PAPOLG: variants seen among roughly 807,000 people sequenced by gnomAD.
PAPOLG encodes the protein poly(A) polymerase gamma, also known as PAP-gamma.
PAPOLG carries 40 observed loss-of-function variants against 99.0 expected under a neutral mutation model. The observed-to-expected ratio is 0.40, with a 90% CI of 0.31 to 0.53. The LOEUF is 0.53. PAPOLG is among the 20% of genes least tolerant of loss of function. The pLI is 0.41. For missense variants in PAPOLG, 675 were observed against 884.1 expected, an observed-to-expected ratio of 0.76 and a Z score of 3.00; for synonymous variants, 310 against 299.3, an observed-to-expected ratio of 1.04 and a Z score of -0.37.
chr2:60,775,216 A>G, intron 8 of PAPOLG, 93 bp downstream of exon 8: 2 of 1,394,770 alleles, frequency 1.4e-6, no homozygotes, highest in Non-Finnish European at 1.9e-6. Flanking sequence ...GAACCTAATG[A>G]TATTGTTGGA....
chr2:60,799,495 G>A lies in PAPOLG; in HGVS notation c.*2335G>A, dbSNP rs1272153601. On this transcript the variant is annotated 3_prime_UTR_variant, in exon 22 of 22. Coordinates refer to ENST00000238714, the MANE Select transcript of PAPOLG (RefSeq NM_022894.4). Reference sequence around the variant, plus strand: ...TCCTGACCAGTAGGTAGAACTTTGAGTACATTTCGTTAACTTGGTGGGAAG... The same window carrying A: ...TCCTGACCAGTAGGTAGAACTTTGAATACATTTCGTTAACTTGGTGGGAAG... 6.6e-6 allele frequency: 1 copy of A among 152,348 alleles called. No homozygotes were observed. The highest frequency in any genetic ancestry group is 1.5e-5 in the Non-Finnish European group (1 of 68,052). The allele number at this position is 152,348 out of a possible 1,614,324, so 9.4% of individuals were successfully genotyped here.
At chr2:60,783,631 C>T (rs1027237611) in intron 13 of PAPOLG, among the ~76,000 whole-genome samples, 1 of 149,792 alleles carries the variant, frequency 6.7e-6, no homozygotes, top group Non-Finnish European at 1.5e-5. Context: ...CTGCCTTAGC[C>T]GCCTGAGTAG....
At chr2:60,773,983 C>A (rs1383336178) in intron 7 of PAPOLG, among the ~76,000 whole-genome samples, 1 of 152,134 alleles carries the variant, frequency 6.6e-6, no homozygotes. Context: ...GTTGAGCTTA[C>A]AACTTACACA....
Position 60,782,848 on chromosome 2 carries a change from G to C in PAPOLG, c.1112+78G>C, listed in dbSNP as rs980215748. On this transcript the variant is annotated intron_variant, in intron 12 of 21. Transcript: ENST00000238714. The stretch of plus-strand genomic sequence containing the variant: ...GAATGTTAAACATAGTTAATATATG[G>C]CAGGTGACAGCTCTTTTATTTCTTA... The C allele has an allele frequency of 1.4e-5, 20 of 1,409,342 alleles. No homozygotes were observed. In the African/African-American group the frequency reaches 3.0e-4, roughly 21 times the overall value. 87.3% of individuals were successfully genotyped at this position (1,409,342 alleles called of 1,614,324 possible). A position where few individuals can be genotyped will look rare whatever the true frequency, so the allele number is the denominator to read the frequency against.
chr2:60,760,218 T>C lies in PAPOLG; in HGVS notation c.102T>C (p.Asp34=). The change falls in exon 2 of 22, where the codon GAT becomes GAC. Residue 34 remains aspartate (D), a synonymous_variant. Coordinates refer to ENST00000238714, the MANE Select transcript of PAPOLG (RefSeq NM_022894.4). ...PISLASPKEI[D]HIYTQKLIDA... is the part of the protein sequence containing the mutation. ...GTTTGGCATCTCCTAAAGAAATTGA[T>C]CATATTTACACACAGAAATTAATTG... is the stretch of plus-strand genomic sequence containing the variant. 6.2e-7 allele frequency: 1 copy of C among 1,614,012 alleles called. No individual in the cohort carries two copies. The highest frequency in any genetic ancestry group is 8.5e-7 in the Non-Finnish European group (1 of 1,179,882).
rs552657514 is a variant in PAPOLG at position 60,801,926 on chromosome 2, T to C, written c.*4766T>C. The C allele has an allele frequency of 6.6e-6, 1 of 152,490 alleles. No homozygotes were observed. The highest frequency in any genetic ancestry group is 1.9e-4 in the East Asian group (1 of 5,324). 9.4% of individuals were successfully genotyped at this position (152,490 alleles called of 1,614,324 possible). A position where few individuals can be genotyped will look rare whatever the true frequency, so the allele number is the denominator to read the frequency against. On this transcript the variant is annotated 3_prime_UTR_variant, in exon 22 of 22. Coordinates refer to ENST00000238714, the MANE Select transcript of PAPOLG (RefSeq NM_022894.4). ...GGTGCTACATCACTCTACAGTACTA[T>C]GTAAAATGAATGGAGCTGCTGTTCC...
At chr2:60,784,947 T>G (rs1671311480) in intron 13 of PAPOLG, among the ~76,000 whole-genome samples, 3 of 152,216 alleles carry the variant, frequency 2.0e-5, no homozygotes. Flanking sequence ...ATAATTATAA[T>G]GTATAAGCTT....
At chr2:60,785,916 C>G (rs1490135314) in intron 13 of PAPOLG, among the ~76,000 whole-genome samples, 10 of 151,794 alleles carry the variant, frequency 6.6e-5, no homozygotes. Flanking sequence ...TTGTTCATGC[C>G]CTAAGCCATG....
Position 60,791,800 on chromosome 2 carries a change from G to T in PAPOLG, c.1436G>T (p.Gly479Val). The T allele has an allele frequency of 6.2e-7, 1 of 1,612,720 alleles. No individual in the cohort carries two copies. The highest frequency in any genetic ancestry group is 1.7e-5 in the Admixed American group (1 of 59,884). ...QANNINMLKE[G>V]MKIEATHVKK... ...AACAATATAAATATGCTAAAGGAGGGAATGAAAATTGAAGCAACTCATGTA... is the reference window on the plus strand; with the variant it reads ...AACAATATAAATATGCTAAAGGAGGTAATGAAAATTGAAGCAACTCATGTA... The change falls in exon 16 of 22, where the codon GGA becomes GTA. Residue 479 changes from glycine (G) to valine (V), a missense_variant. Physicochemically the swap from Gly to Val is moderately radical, Grantham distance 109. This residue lies in a region of PAPOLG where 413 missense variants were observed against 460.5 expected (regional missense o/e 0.90). Coordinates refer to ENST00000238714, the MANE Select transcript of PAPOLG (RefSeq NM_022894.4).
rs143716717 is a variant in PAPOLG at position 60,782,762 on chromosome 2, A to G, written c.1104A>G (p.Gln368=). The G allele has an allele frequency of 4.5e-4, 706 of 1,570,626 alleles. No individual in the cohort carries two copies. The highest frequency in any genetic ancestry group is 5.5e-4 in the Non-Finnish European group (645 of 1,165,776). ...TACTTGAGCCACCGAATTTCTTTCA[A>G]AAGTATAGGTACGTGAAATTTTGTA... ...SKLLEPPNFF[Q]KYRHYIVLTA... The change falls in exon 12 of 22, where the codon CAA becomes CAG. Residue 368 remains glutamine, a synonymous_variant. Coordinates refer to ENST00000238714, the MANE Select transcript of PAPOLG (RefSeq NM_022894.4).
chr2:60,794,566 A>G, intron 19 of PAPOLG, 144 bp from the exon 20 acceptor site: 1 of 700,658 alleles, frequency 1.4e-6, no homozygotes, highest in Non-Finnish European at 2.3e-6. Flanking sequence ...AATTCAATCT[A>G]ATTTAAATTA....
chr2:60,769,037 A>T (rs1203227497), intron 5 of PAPOLG, 147 bp downstream of exon 5: 2 of 659,734 alleles, frequency 3.0e-6, no homozygotes, highest in East Asian at 3.0e-5. Context: ...TGATTAAATC[A>T]TGATTAAGAA....
At chr2:60,758,422 A>AT (rs11340370) in intron 1 of PAPOLG, among the ~76,000 whole-genome samples, 1,666 of 70,078 alleles carry the variant, frequency 0.024, 87 homozygotes, top group African/African-American at 0.075. Context: ...GCCTAATGAG[A>AT]TTTTTTTTTT....
At position 60,782,017 on chromosome 2, in the gene PAPOLG, G is replaced by A. The variant is rs979667182; in HGVS notation, c.1027+12G>A. The A allele has an allele frequency of 1.2e-6, 2 of 1,611,878 alleles. No individual in the cohort carries two copies. The highest frequency in any genetic ancestry group is 2.7e-5 in the African/African-American group (2 of 74,872). ...AGAATTTAAACAAGGTAAACATGTG[G>A]CCCTGTTGCCCTTTACATATTCCCA... On this transcript the variant is annotated intron_variant, in intron 11 of 21. Transcript: ENST00000238714.
chr2:60,784,524 A>G, intron 13 of PAPOLG, among the ~76,000 whole-genome samples: 1 of 152,176 alleles, frequency 6.6e-6, no homozygotes. Context: ...AGATGGTTGT[A>G]CTTTCCTTGG....
intron 8 of PAPOLG, among the ~76,000 whole-genome samples, chr2:60,777,272 A>G (rs576676423): frequency 2.0e-5 from 3 of 152,270 alleles, no homozygotes; most frequent in South Asian, 4.1e-4. Context: ...CCTGACCAAC[A>G]TAGTGAAACC....
chr2:60,772,735 G>C, intron 7 of PAPOLG, among the ~76,000 whole-genome samples: 1 of 152,056 alleles, frequency 6.6e-6, no homozygotes, highest in Admixed American at 6.5e-5. Flanking sequence ...GTGACAGAGC[G>C]AGTCTCCGTC....
At chr2:60,774,028 C>T (rs1670935242) in intron 7 of PAPOLG, among the ~76,000 whole-genome samples, 1 of 152,132 alleles carries the variant, frequency 6.6e-6, no homozygotes, top group Non-Finnish European at 1.5e-5. Flanking sequence ...TTATTTTTAA[C>T]TGCAAGTGTG....
chr2:60,794,303 T>C, intron 19 of PAPOLG, 112 bp downstream of exon 19: 1 of 1,087,614 alleles, frequency 9.2e-7, no homozygotes, highest in Non-Finnish European at 1.3e-6. Context: ...CTGAAAAGAA[T>C]ATTTACCCAA....
Sources: allele counts gnomAD v4.1 joint callset (sites outside exome capture counted in the v4.1 genomes callset), GRCh38; gene constraint gnomAD v4.1.1; regional missense constraint gnomAD v4.1.1; transcripts MANE v1.5; gene names NCBI Gene and HGNC (gene_info 2026-07-23, HGNC 2026-07-21).